Variants in IQCM observed in about 807,000 individuals in gnomAD.
The protein encoded by IQCM is IQ motif containing M, also known as IQ domain-containing protein M.
In IQCM, 45 loss-of-function variants were observed where a neutral mutation model predicts 57.6. The observed-to-expected ratio is 0.78, with a 90% CI of 0.62 to 1.00. The LOEUF (loss-of-function observed/expected upper bound fraction) is 1.00, where lower values mean the gene tolerates loss of function less well. Ranked by LOEUF, IQCM falls within the 50% of genes least tolerant of loss-of-function variation. The pLI, the probability that IQCM is intolerant of heterozygous loss-of-function variation, is 0.00. For missense variants in IQCM, 468 were observed against 511.6 expected, an observed-to-expected ratio of 0.91 and a Z score of 0.82; for synonymous variants, 148 against 158.9, an observed-to-expected ratio of 0.93 and a Z score of 0.51.
chr4:149,507,735 T>A (rs1743975947), intron 12 of IQCM, among the ~76,000 whole-genome samples: 1 of 152,142 alleles, frequency 6.6e-6, no homozygotes, highest in African/African-American at 2.4e-5. Flanking sequence ...AAAAATCCCA[T>A]CTTCTGAGGA....
chr4:149,647,189 C>T (rs1758719911), intron 7 of IQCM, among the ~76,000 whole-genome samples: 1 of 151,838 alleles, frequency 6.6e-6, no homozygotes, highest in Non-Finnish European at 1.5e-5. Context: ...AAAATTTTAC[C>T]CACTTTTTGG....
chr4:149,711,610 G>C (rs1764564777), intron 5 of IQCM, among the ~76,000 whole-genome samples: 1 of 152,086 alleles, frequency 6.6e-6, no homozygotes, highest in Non-Finnish European at 1.5e-5. Flanking sequence ...AGCAGTGGAA[G>C]CATTTTTGGG....
chr4:149,517,783 C>A (rs1188359939), intron 12 of IQCM, among the ~76,000 whole-genome samples: 2 of 152,110 alleles, frequency 1.3e-5, no homozygotes, highest in Middle Eastern at 3.2e-3. Context: ...ACTGGCTTAG[C>A]CTTCCAGGAT....
Position 149,449,365 on chromosome 4 carries a change from A to G in IQCM, c.1229-15808T>C, listed in dbSNP as rs1014959047. Among the ~76,000 whole-genome samples the G allele has an allele frequency of 2.3e-4, 33 of 146,148 alleles. 1 individual carries two copies. Among genetic ancestry groups the G allele is most frequent in the Non-Finnish European group, 4.4e-4 (29 of 66,610 alleles). ...TATATTATATGTATATATTATATAC[A>G]TTATATTATATATTATATATATAAT... On this transcript the variant is annotated intron_variant, in intron 12 of 13. Transcript: ENST00000636793.
At chr4:149,734,680 C>A (rs1766770722) in intron 4 of IQCM, among the ~76,000 whole-genome samples, 1 of 152,064 alleles carries the variant, frequency 6.6e-6, no homozygotes, top group African/African-American at 2.4e-5. Context: ...CCTCACCTGT[C>A]TTCCCAAAGG....
chr4:149,686,469 C>T lies in IQCM; in HGVS notation c.386-1G>A. 1 of 1,214,492 alleles carries T rather than the reference C, an allele frequency of 8.2e-7. No individual in the cohort carries two copies. Among genetic ancestry groups the T allele is most frequent in the Non-Finnish European group, 1.0e-6 (1 of 972,452 alleles). The allele number at this position is 1,214,492 out of a possible 1,614,324, so 75.2% of individuals were successfully genotyped here. On this transcript the variant is annotated splice_acceptor_variant, in intron 5 of 13. Transcript: ENST00000636793. LOFTEE classifies it high-confidence loss of function. ...ATGATTTTATCCAATTTAACTTGTC[C>T]TGAAATTTTGTTAAAGTTTTAATTG...
At chr4:149,447,327 T>G (rs1417745934) in intron 12 of IQCM, among the ~76,000 whole-genome samples, 3 of 151,542 alleles carry the variant, frequency 2.0e-5, no homozygotes, top group Non-Finnish European at 4.4e-5. Context: ...ATACAACTCA[T>G]ACTGAGGAGA....
At position 149,370,571 on chromosome 4, in the gene IQCM, C is replaced by T. The variant is rs542144296; in HGVS notation, c.1391-18505G>A. The stretch of plus-strand genomic sequence containing the variant: ...ACACACTATACACACTCTATACACA[C>T]ACTATACACACACACACACACCCTT... On this transcript the variant is annotated intron_variant, in intron 13 of 13. Coordinates refer to ENST00000636793, the MANE Select transcript of IQCM (RefSeq NM_001363507.2). Among the ~76,000 whole-genome samples, 16 of 138,088 alleles carry T rather than the reference C, an allele frequency of 1.2e-4. No individual in the cohort carries two copies. In the East Asian group the frequency reaches 3.2e-3, roughly 28 times the overall value. The allele number at this position is 138,088 out of a possible 152,430, so 90.6% of individuals were successfully genotyped here. A position where few individuals can be genotyped will look rare whatever the true frequency, so the allele number is the denominator to read the frequency against.
chr4:149,412,197 G>A (rs1243076960), intron 13 of IQCM, among the ~76,000 whole-genome samples: 1 of 151,974 alleles, frequency 6.6e-6, no homozygotes, highest in African/African-American at 2.4e-5. Flanking sequence ...CAGTAGATAT[G>A]CTGGTCTAAT....
At chr4:149,353,841 C>A (rs999404377) in intron 13 of IQCM, among the ~76,000 whole-genome samples, 1 of 152,072 alleles carries the variant, frequency 6.6e-6, no homozygotes, top group Non-Finnish European at 1.5e-5. Context: ...TTAAGATGAA[C>A]AGGTCTAGAG....
chr4:149,739,691 T>A (rs1417461170), intron 3 of IQCM, among the ~76,000 whole-genome samples: 1 of 152,090 alleles, frequency 6.6e-6, no homozygotes, highest in Non-Finnish European at 1.5e-5. Context: ...TGCAATAAAG[T>A]TCATGAAGAG....
intron 9 of IQCM, among the ~76,000 whole-genome samples, chr4:149,565,546 C>A (rs1750541656): frequency 6.6e-6 from 1 of 152,084 alleles, no homozygotes. Context: ...CATTTTTGAA[C>A]ACTAGTTTGA....
At chr4:149,382,709 T>C (rs1731162195) in intron 13 of IQCM, among the ~76,000 whole-genome samples, 1 of 152,056 alleles carries the variant, frequency 6.6e-6, no homozygotes, top group Non-Finnish European at 1.5e-5. Flanking sequence ...TCCTGCCGAA[T>C]AGAAGGGAAT....
chr4:149,532,592 G>A (rs1746865061), intron 12 of IQCM, among the ~76,000 whole-genome samples: 2 of 151,620 alleles, frequency 1.3e-5, no homozygotes, highest in South Asian at 2.1e-4. Context: ...CTATGTGGGG[G>A]CATATACTAC....
intron 12 of IQCM, among the ~76,000 whole-genome samples, chr4:149,482,036 T>G (rs1740960856): frequency 6.6e-6 from 1 of 151,806 alleles, no homozygotes; most frequent in Non-Finnish European, 1.5e-5. Flanking sequence ...ATTTTATGTG[T>G]GGCTATTATA....
chr4:149,621,586 C>T (rs567215103), intron 7 of IQCM, among the ~76,000 whole-genome samples: 4 of 151,814 alleles, frequency 2.6e-5, no homozygotes, highest in African/African-American at 4.8e-5. Flanking sequence ...ATCATGTTTG[C>T]GAATAGCACT....
At chr4:149,366,715 G>A (rs569337987) in intron 13 of IQCM, among the ~76,000 whole-genome samples, 14 of 151,838 alleles carry the variant, frequency 9.2e-5, no homozygotes, top group African/African-American at 3.4e-4. Flanking sequence ...GCTACAAGAA[G>A]ATTTAGGGGA....
intron 8 of IQCM, among the ~76,000 whole-genome samples, chr4:149,600,612 T>C (rs1293213225): frequency 6.6e-6 from 1 of 152,172 alleles, no homozygotes; most frequent in Non-Finnish European, 1.5e-5. Context: ...TTAATCTTAA[T>C]GGGATTTACA....
At chr4:149,682,822 C>T (rs1052713587) in intron 6 of IQCM, among the ~76,000 whole-genome samples, 1 of 150,938 alleles carries the variant, frequency 6.6e-6, no homozygotes, top group Non-Finnish European at 1.5e-5. Context: ...AATGAAGAAA[C>T]TAAGACATTT....
Sources: gnomAD v4.1 joint callset for allele counts (sites outside exome capture counted in the v4.1 genomes callset) on GRCh38, gnomAD v4.1.1 for gene constraint, MANE v1.5 for transcripts, NCBI Gene and HGNC (gene_info 2026-07-23, HGNC 2026-07-21) for gene names.